Variants in LPGAT1 observed in about 807,000 individuals in gnomAD.
The protein encoded by LPGAT1 is acyl-CoA:lysophosphatidylglycerol acyltransferase 1.
A neutral mutation model predicts 47.5 loss-of-function variants in LPGAT1; 11 were observed. That is an observed-to-expected ratio of 0.23 (90% CI 0.15 to 0.38). The LOEUF (loss-of-function observed/expected upper bound fraction) is 0.38, where lower values mean the gene tolerates loss of function less well. Ranked by LOEUF, LPGAT1 falls within the 10% of genes least tolerant of loss-of-function variation. LPGAT1 has a pLI of 1.00. For synonymous variants in LPGAT1, 138 were observed against 144.2 expected, an observed-to-expected ratio of 0.96 and a Z score of 0.31; for missense variants, 293 against 439.0, an observed-to-expected ratio of 0.67 and a Z score of 2.97.
chr1:211,779,133 A>G, intron 5 of LPGAT1, 89 bp from the exon 6 acceptor site: 3 of 1,047,642 alleles, frequency 2.9e-6, no homozygotes, highest in South Asian at 3.9e-5. Context: ...AGTGTAAGAT[A>G]TATCACTATA....
intron 6 of LPGAT1, among the ~76,000 whole-genome samples, chr1:211,775,464 T>G (rs924555058): frequency 1.3e-5 from 2 of 152,172 alleles, no homozygotes; most frequent in Non-Finnish European, 2.9e-5. Context: ...TTTGTGGCTC[T>G]CAGCAGACAC....
chr1:211,756,617 A>G (rs1319227084), intron 6 of LPGAT1, among the ~76,000 whole-genome samples: 1 of 152,236 alleles, frequency 6.6e-6, no homozygotes, highest in African/African-American at 2.4e-5. Flanking sequence ...TGAGTGAGCC[A>G]CTGTGCTCAG....
At chr1:211,824,288 C>T (rs1282634368) in intron 2 of LPGAT1, among the ~76,000 whole-genome samples, 8 of 152,040 alleles carry the variant, frequency 5.3e-5, no homozygotes, top group Non-Finnish European at 7.4e-5. Context: ...CCCAGCTACT[C>T]GGGAGGCTGA....
chr1:211,781,340 G>A (rs1658635674), intron 5 of LPGAT1, among the ~76,000 whole-genome samples: 1 of 152,132 alleles, frequency 6.6e-6, no homozygotes, highest in East Asian at 1.9e-4. Context: ...ACCACTACAG[G>A]GTATTGACTG....
At chr1:211,755,245 G>A (rs2102491672) in intron 6 of LPGAT1, among the ~76,000 whole-genome samples, 2 of 151,066 alleles carry the variant, frequency 1.3e-5, no homozygotes, top group Middle Eastern at 7.0e-3. Flanking sequence ...GGCTGAGGCA[G>A]GAGAACTGCT....
Position 211,743,889 on chromosome 1 carries a change from AT to A in LPGAT1, c.*6009del, listed in dbSNP as rs1399804571. The A allele has an allele frequency of 1.3e-5, 2 of 152,216 alleles. No individual in the cohort carries two copies. The highest frequency in any genetic ancestry group is 4.8e-5 in the African/African-American group (2 of 41,462). The allele number at this position is 152,216 out of a possible 1,614,324, so 9.4% of individuals were successfully genotyped here. ...CTGTGCAAGATATTTTAATATTTAA[AT>A]TTTTCAGTGGGATTTAAACAATTGT... On this transcript the variant is annotated 3_prime_UTR_variant, in exon 8 of 8. Transcript: ENST00000366997.
intron 3 of LPGAT1, 94 bp downstream of exon 3, chr1:211,792,978 G>A: frequency 1.3e-6 from 1 of 774,644 alleles, no homozygotes. Flanking sequence ...CCAAAGTGCT[G>A]GGATTACAGA....
intron 2 of LPGAT1, among the ~76,000 whole-genome samples, chr1:211,808,763 G>A (rs935247136): frequency 9.2e-5 from 14 of 152,144 alleles, no homozygotes; most frequent in African/African-American, 3.4e-4. Flanking sequence ...TCTGTAATGG[G>A]CCAAACAGTA....
intron 2 of LPGAT1, among the ~76,000 whole-genome samples, chr1:211,811,971 C>A (rs1202117220): frequency 1.3e-5 from 2 of 152,244 alleles, no homozygotes; most frequent in African/African-American, 4.8e-5. Context: ...TCGGCTCTTG[C>A]CAGCTCTATC....
rs1660694288 is a variant in LPGAT1 at position 211,830,394 on chromosome 1, G to A, written c.-28+179C>T. On this transcript the variant is annotated intron_variant, in intron 1 of 7. Coordinates refer to ENST00000366997, the MANE Select transcript of LPGAT1 (RefSeq NM_014873.3). This position sits in a 1 kb window ranked among gnomAD's most constrained non-coding sequence, Gnocchi z 5.9. Reference sequence around the variant, plus strand: ...CTGTCACCCGGGCGGGTCCCGGGGAGGCGGGCGGATGCCCCGCGCCCCCGC... The same window carrying A: ...CTGTCACCCGGGCGGGTCCCGGGGAAGCGGGCGGATGCCCCGCGCCCCCGC... 4 of 1,173,504 alleles carry A rather than the reference G, an allele frequency of 3.4e-6. No homozygotes were observed. Among genetic ancestry groups the A allele is most frequent in the Non-Finnish European group, 4.2e-6 (4 of 950,522 alleles). The allele number at this position is 1,173,504 out of a possible 1,614,324, so 72.7% of individuals were successfully genotyped here.
chr1:211,802,510 C>A (rs566227116), intron 2 of LPGAT1, among the ~76,000 whole-genome samples: 15 of 150,750 alleles, frequency 1.0e-4, no homozygotes, highest in Admixed American at 2.6e-4. Context: ...AACCATGAGA[C>A]AAGAATAAGA....
intron 2 of LPGAT1, among the ~76,000 whole-genome samples, chr1:211,812,722 A>AC (rs1660030930): frequency 2.0e-5 from 3 of 152,184 alleles, no homozygotes; most frequent in Non-Finnish European, 4.4e-5. Flanking sequence ...GTCCTTGTGT[A>AC]ACAGAGATAC....
rs574677265 is a variant in LPGAT1 at position 211,778,265 on chromosome 1, C to T, written c.854+653G>A. The stretch of plus-strand genomic sequence containing the variant: ...GCTGAGGCAGGAGAATGGCGTGAAG[C>T]CGGGAGGCGGAGCTTGCAGTGAGCC... On this transcript the variant is annotated intron_variant, in intron 6 of 7. Coordinates refer to ENST00000366997, the MANE Select transcript of LPGAT1 (RefSeq NM_014873.3). Among the ~76,000 whole-genome samples the T allele has an allele frequency of 3.3e-5, 5 of 151,284 alleles. No individual in the cohort carries two copies. In the East Asian group the frequency reaches 9.8e-4, roughly 30 times the overall value.
Position 211,787,397 on chromosome 1 carries a change from A to G in LPGAT1, c.453+235T>C, listed in dbSNP as rs533099463. Reference sequence around the variant, plus strand: ...CAGCTACTCCAAAGGCTGAGGCATGAGAATCACTTGAACCCAGGAAGTGGA... The same window carrying G: ...CAGCTACTCCAAAGGCTGAGGCATGGGAATCACTTGAACCCAGGAAGTGGA... On this transcript the variant is annotated intron_variant, in intron 4 of 7. Transcript: ENST00000366997. 4.6e-5 allele frequency among the ~76,000 whole-genome samples: 7 copies of G among 151,540 alleles called. No homozygotes were observed. The East Asian group carries it at 1.4e-3, about 30-fold the overall frequency.
At chr1:211,807,271 T>TG (rs1553312450) in intron 2 of LPGAT1, among the ~76,000 whole-genome samples, 4 of 151,800 alleles carry the variant, frequency 2.6e-5, no homozygotes, top group Non-Finnish European at 4.4e-5. Context: ...TCAAAAAAGC[T>TG]CAAAATGAAG....
At chr1:211,829,499 G>C (rs2102617389) in intron 1 of LPGAT1, 176 bp from the exon 2 acceptor site, 1 of 1,429,710 alleles carries the variant, frequency 7.0e-7, no homozygotes, top group Non-Finnish European at 9.1e-7. Context: ...GAGCGAGGGA[G>C]GAGGAGCCGC....
intron 2 of LPGAT1, among the ~76,000 whole-genome samples, chr1:211,807,560 C>T (rs1339140378): frequency 6.6e-6 from 1 of 152,020 alleles, no homozygotes; most frequent in Non-Finnish European, 1.5e-5. Context: ...GGGACAGACA[C>T]ATAAATCAAC....
chr1:211,778,822 TTC>T, intron 6 of LPGAT1, 94 bp downstream of exon 6: 1 of 1,014,002 alleles, frequency 9.9e-7, no homozygotes, highest in Non-Finnish European at 1.4e-6. Flanking sequence ...AGCCAACTAT[TTC>T]TACTGTGTGA....
At chr1:211,801,524 G>A (rs1335539252) in intron 2 of LPGAT1, among the ~76,000 whole-genome samples, 5 of 151,930 alleles carry the variant, frequency 3.3e-5, no homozygotes, top group African/African-American at 9.7e-5. Flanking sequence ...CAGCATGGGC[G>A]ACAAAGCAAG....
Sources: allele counts gnomAD v4.1 joint callset (sites outside exome capture counted in the v4.1 genomes callset), GRCh38; gene constraint gnomAD v4.1.1; non-coding constraint Gnocchi (gnomAD v3.1); transcripts MANE v1.5; gene names NCBI Gene and HGNC (gene_info 2026-07-23, HGNC 2026-07-21).